The following NEGR1 variants were observed in gnomAD, a reference collection of about 807,000 sequenced individuals.
NEGR1 encodes neuronal growth regulator 1, also known as IgLON family member 4.
A neutral mutation model predicts 40.9 loss-of-function variants in NEGR1; 10 were observed. That is an observed-to-expected ratio of 0.24 (90% CI 0.15 to 0.42). The LOEUF is 0.42. Ranked by LOEUF, NEGR1 falls within the 10% of genes least tolerant of loss-of-function variation. NEGR1 has a pLI of 1.00. For missense variants in NEGR1, 352 were observed against 438.9 expected (o/e 0.80, Z 1.77); for synonymous variants, 185 against 166.8 (o/e 1.11, Z -0.84).
intron 6 of NEGR1, among the ~76,000 whole-genome samples, chr1:71,445,136 A>G (rs1646572333): frequency 6.6e-6 from 1 of 152,150 alleles, no homozygotes; most frequent in Admixed American, 6.5e-5. Flanking sequence ...AGTAACACTA[A>G]TACACTTTTA....
At chr1:71,479,228 C>T (rs751440354) in intron 6 of NEGR1, among the ~76,000 whole-genome samples, 34 of 152,032 alleles carry the variant, frequency 2.2e-4, no homozygotes, top group Non-Finnish European at 1.5e-4. Flanking sequence ...GCTCATCAGT[C>T]GACGCAGCAC....
At chr1:72,280,546 A>G (rs1656207784) in intron 1 of NEGR1, among the ~76,000 whole-genome samples, 1 of 152,200 alleles carries the variant, frequency 6.6e-6, no homozygotes, top group African/African-American at 2.4e-5. Context: ...GGCTTAATTT[A>G]TATCCTCTCT....
At chr1:72,256,216 C>T (rs1390779184) in intron 1 of NEGR1, among the ~76,000 whole-genome samples, 2 of 152,274 alleles carry the variant, frequency 1.3e-5, no homozygotes, top group African/African-American at 4.8e-5. Flanking sequence ...TTCACCTTTT[C>T]AACTGAAGAG....
intron 4 of NEGR1, among the ~76,000 whole-genome samples, chr1:71,678,137 T>C (rs1192418447): frequency 6.6e-6 from 1 of 152,058 alleles, no homozygotes; most frequent in Non-Finnish European, 1.5e-5. Flanking sequence ...TCCAAAACAA[T>C]GTATGTAAAC....
chr1:72,020,673 A>C (rs1015474179), intron 1 of NEGR1, among the ~76,000 whole-genome samples: 46 of 152,224 alleles, frequency 3.0e-4, no homozygotes, highest in Non-Finnish European at 5.9e-4. Context: ...ACCAGGTAAC[A>C]TACCAAAACA....
At chr1:71,952,902 T>A (rs1400094179) in intron 1 of NEGR1, among the ~76,000 whole-genome samples, 1 of 151,732 alleles carries the variant, frequency 6.6e-6, no homozygotes, top group Non-Finnish European at 1.5e-5. Context: ...GCAGCACATT[T>A]TTTACAGCTT....
chr1:72,084,701 A>G (rs1648142095), intron 1 of NEGR1, among the ~76,000 whole-genome samples: 1 of 152,192 alleles, frequency 6.6e-6, no homozygotes, highest in African/African-American at 2.4e-5. Context: ...TGGTTCTAAT[A>G]GTATTTGCAA....
intron 3 of NEGR1, among the ~76,000 whole-genome samples, chr1:71,728,742 A>AT (rs1654758157): frequency 6.6e-6 from 1 of 152,140 alleles, no homozygotes; most frequent in African/African-American, 2.4e-5. Context: ...ATAATGTAAA[A>AT]ATATATCACA....
intron 6 of NEGR1, among the ~76,000 whole-genome samples, chr1:71,563,101 A>G (rs762973957): frequency 6.6e-5 from 10 of 152,040 alleles, no homozygotes; most frequent in Non-Finnish European, 1.3e-4. Context: ...TTTGTGAATA[A>G]TAATAGAATC....
chr1:72,257,658 C>T (rs903956774), intron 1 of NEGR1, among the ~76,000 whole-genome samples: 6 of 152,156 alleles, frequency 3.9e-5, no homozygotes, highest in Middle Eastern at 3.4e-3. Flanking sequence ...CCACCTCTAC[C>T]GGAGTATTTA....
intron 6 of NEGR1, among the ~76,000 whole-genome samples, chr1:71,537,820 T>C (rs1306870372): frequency 1.3e-5 from 2 of 151,750 alleles, no homozygotes; most frequent in Admixed American, 6.6e-5. Context: ...TGTTTTGTCA[T>C]TGGAGTCATT....
At chr1:72,132,313 C>A (rs1287330073) in intron 1 of NEGR1, among the ~76,000 whole-genome samples, 1 of 151,920 alleles carries the variant, frequency 6.6e-6, no homozygotes, top group Non-Finnish European at 1.5e-5. Context: ...CATGAAGTAG[C>A]CCAGTTTAGA....
intron 1 of NEGR1, among the ~76,000 whole-genome samples, chr1:71,995,089 G>T (rs995728262): frequency 6.6e-6 from 1 of 150,816 alleles, no homozygotes; most frequent in Non-Finnish European, 1.5e-5. Context: ...AATGTCTTTC[G>T]TGAGCTCAAT....
chr1:71,801,542 C>T (rs1254770682), intron 2 of NEGR1, among the ~76,000 whole-genome samples: 1 of 152,186 alleles, frequency 6.6e-6, no homozygotes, highest in Non-Finnish European at 1.5e-5. Context: ...TTTCTTATCT[C>T]AGTTAATCAT....
chr1:71,776,389 G>GT (rs1250688848), intron 2 of NEGR1, 92 bp from the exon 3 acceptor site: 2 of 725,734 alleles, frequency 2.8e-6, no homozygotes, highest in Non-Finnish European at 4.2e-6. Flanking sequence ...TGCAAGAAAG[G>GT]TATGAGGGTG....
chr1:71,629,569 T>C (rs1329419872), intron 4 of NEGR1, among the ~76,000 whole-genome samples: 1 of 152,030 alleles, frequency 6.6e-6, no homozygotes, highest in African/African-American at 2.4e-5. Context: ...TTGTGATTTT[T>C]CTCACCACTC....
At chr1:71,547,348 A>T (rs1570014203) in intron 6 of NEGR1, among the ~76,000 whole-genome samples, 1 of 151,726 alleles carries the variant, frequency 6.6e-6, no homozygotes, top group East Asian at 2.0e-4. Flanking sequence ...GTTAGGCGAT[A>T]ATTAATTGGA....
intron 1 of NEGR1, among the ~76,000 whole-genome samples, chr1:71,999,632 A>AATCT (rs1353373602): frequency 1.4e-4 from 7 of 48,380 alleles, no homozygotes; most frequent in African/African-American, 6.6e-4. Context: ...GAGCAAAGCA[A>AATCT]ATATATATAT....
chr1:72,096,378 A>C (rs1648697463), intron 1 of NEGR1, among the ~76,000 whole-genome samples: 1 of 152,120 alleles, frequency 6.6e-6, no homozygotes, highest in Non-Finnish European at 1.5e-5. Context: ...AGTTAAACTA[A>C]TAGGATAATT....
Sources: gnomAD v4.1 joint callset for allele counts (sites outside exome capture counted in the v4.1 genomes callset) on GRCh38, gnomAD v4.1.1 for gene constraint, MANE v1.5 for transcripts, NCBI Gene and HGNC (gene_info 2026-07-23, HGNC 2026-07-21) for gene names.